CSRP2: variants seen among roughly 807,000 people sequenced by gnomAD.
CSRP2 encodes the protein cysteine and glycine-rich protein 2.
CSRP2 carries 18 observed loss-of-function variants against 24.6 expected under a neutral mutation model. The observed-to-expected ratio is 0.73, with a 90% confidence interval of 0.51 to 1.09. CSRP2 has a LOEUF of 1.09. CSRP2 is among the 50% of genes least tolerant of loss of function. The pLI is 0.00. For synonymous variants in CSRP2, 87 were observed against 84.3 expected (o/e 1.03, Z -0.18); for missense variants, 215 against 239.4 (o/e 0.90, Z 0.67).
rs78660287 is a variant in CSRP2, at chr12:76,870,725, G to A, written c.-1-4464C>T. ...TTTTTTTTTTTAAGATGGTTAGGGA[G>A]CCAGGTGTGGTAGCTCATGCCTGTA... On this transcript the variant is annotated intron_variant, in intron 1 of 5. Coordinates refer to ENST00000311083, the MANE Select transcript of CSRP2 (RefSeq NM_001321.3). Among the ~76,000 whole-genome samples the A allele has an allele frequency of 8.6e-3, 1,298 of 151,570 alleles. 25 individuals carry two copies. The highest frequency in any genetic ancestry group is 0.03 in the African/African-American group (1,258 of 41,298).
intron 1 of CSRP2, among the ~76,000 whole-genome samples, chr12:76,867,989 C>T (rs1376563322): frequency 6.6e-6 from 1 of 152,152 alleles, no homozygotes; most frequent in Non-Finnish European, 1.5e-5. Flanking sequence ...CTTTCCAGCA[C>T]TCAGTATTCT....
Position 76,871,683 on chromosome 12 carries a change from G to GA in CSRP2, c.-1-5423dup, listed in dbSNP as rs547049623. Among the ~76,000 whole-genome samples, 687 of 151,230 alleles carry GA rather than the reference G, an allele frequency of 4.5e-3. 2 individuals carry two copies. The highest frequency in any genetic ancestry group is 8.1e-3 in the Non-Finnish European group (548 of 67,892). On this transcript the variant is annotated intron_variant, in intron 1 of 5. Coordinates refer to ENST00000311083, the MANE Select transcript of CSRP2 (RefSeq NM_001321.3). ...GGAGGCTGAGGCAGGAGAATGGCGTGAACCCAGGAGGTGGAGCTTGCAGTG... is the reference window on the plus strand; with the variant it reads ...GGAGGCTGAGGCAGGAGAATGGCGTGAAACCCAGGAGGTGGAGCTTGCAGTG...
intron 1 of CSRP2, among the ~76,000 whole-genome samples, chr12:76,871,777 A>G (rs1953803001): frequency 6.6e-6 from 1 of 152,028 alleles, no homozygotes; most frequent in Admixed American, 6.5e-5. Flanking sequence ...AAAAAAAAAA[A>G]AAGAAAAGAA....
chr12:76,867,576 T>C (rs928832871), intron 1 of CSRP2, among the ~76,000 whole-genome samples: 2 of 152,210 alleles, frequency 1.3e-5, no homozygotes, highest in Non-Finnish European at 2.9e-5. Context: ...AAAGTTGTTC[T>C]GCTAAGAAGA....
chr12:76,860,308 G>C lies in CSRP2; in HGVS notation c.387C>G (p.Ala129=). ...CCTTTCCAGCTCCAATTATCTTCTC[G>C]GCAGCATATACAGAATCCCCACATC... ...CSRCGDSVYA[A]EKIIGAGKPW... Residue 129 remains alanine, a synonymous_variant, in exon 4 of 6, where the codon GCC becomes GCG. Coordinates refer to ENST00000311083, the MANE Select transcript of CSRP2 (RefSeq NM_001321.3). 6.2e-7 allele frequency: 1 copy of C among 1,613,708 alleles called. No homozygotes were observed. Among genetic ancestry groups the C allele is most frequent in the Non-Finnish European group, 8.5e-7 (1 of 1,179,786 alleles).
intron 2 of CSRP2, 73 bp from the exon 3 acceptor site, chr12:76,863,417 C>G (rs746925184): frequency 1.4e-5 from 21 of 1,466,162 alleles, no homozygotes; most frequent in Non-Finnish European, 1.8e-5. Context: ...GTGGCACAGA[C>G]ACATGGCCTA....
intron 1 of CSRP2, among the ~76,000 whole-genome samples, chr12:76,872,464 A>G (rs1017776746): frequency 1.3e-4 from 20 of 152,392 alleles, no homozygotes; most frequent in Non-Finnish European, 2.5e-4. Flanking sequence ...TCTTAGAGCC[A>G]GGCCAGCAAC....
chr12:76,864,189 A>G (rs2137825928), intron 2 of CSRP2: 1 of 152,310 alleles, frequency 6.6e-6, no homozygotes, highest in South Asian at 2.1e-4. Flanking sequence ...AACTTCAATT[A>G]AGCTTGAGAA....
intron 3 of CSRP2, 166 bp from the exon 4 acceptor site, chr12:76,860,579 T>C (rs1436699587): frequency 2.8e-6 from 2 of 716,366 alleles, no homozygotes; most frequent in Admixed American, 2.9e-5. Flanking sequence ...GTGACTCAGG[T>C]GCCAGCCAGA....
At chr12:76,863,716 G>A (rs1040580604) in intron 2 of CSRP2, 11 of 167,986 alleles carry the variant, frequency 6.5e-5, no homozygotes, top group Non-Finnish European at 1.4e-4. Flanking sequence ...TTTCAAAGGT[G>A]GCTATAAAAA....
intron 2 of CSRP2, chr12:76,863,546 G>T: frequency 4.2e-6 from 2 of 481,296 alleles, no homozygotes; most frequent in Non-Finnish European, 7.3e-6. Context: ...TTCCTCCATG[G>T]ATATGACAGT....
intron 3 of CSRP2, chr12:76,862,687 G>T: frequency 3.3e-6 from 4 of 1,212,416 alleles, no homozygotes; most frequent in Non-Finnish European, 3.2e-6. Context: ...CTCTCTCAAA[G>T]AATCAAAAAT....
chr12:76,860,554 G>C, intron 3 of CSRP2, 141 bp from the exon 4 acceptor site: 1 of 938,002 alleles, frequency 1.1e-6, no homozygotes, highest in Non-Finnish European at 1.5e-6. Context: ...GCACAGGGGA[G>C]GGAATAAAGA....
rs947607767 is a variant in CSRP2 at position 76,879,008 on chromosome 12, G to A, written c.-72C>T. ...CTGGGCTGGAGGGAGGGTCCAGGGA[G>A]TCCGAGATCCCAGGCGAAGCGCGCG... On this transcript the variant is annotated 5_prime_UTR_variant, in exon 1 of 6. Coordinates refer to ENST00000311083, the MANE Select transcript of CSRP2 (RefSeq NM_001321.3). The A allele has an allele frequency of 6.6e-6, 1 of 152,280 alleles. No homozygotes were observed. Among genetic ancestry groups the A allele is most frequent in the Non-Finnish European group, 1.5e-5 (1 of 68,102 alleles). 9.4% of individuals were successfully genotyped at this position (152,280 alleles called of 1,614,324 possible).
chr12:76,874,658 T>C (rs1953836477), intron 1 of CSRP2, among the ~76,000 whole-genome samples: 1 of 152,158 alleles, frequency 6.6e-6, no homozygotes, highest in African/African-American at 2.4e-5. Context: ...TACTTGCTAC[T>C]GGTCTGTGGC....
At chr12:76,876,029 G>C (rs1054056813) in intron 1 of CSRP2, among the ~76,000 whole-genome samples, 2 of 152,190 alleles carry the variant, frequency 1.3e-5, no homozygotes, top group Non-Finnish European at 2.9e-5. Flanking sequence ...TACAGATGTA[G>C]TACCGACCTC....
chr12:76,860,872 G>T (rs1302406830), intron 3 of CSRP2: 1 of 152,252 alleles, frequency 6.6e-6, no homozygotes, highest in Non-Finnish European at 1.5e-5. Flanking sequence ...AGTTAACTTT[G>T]GTCTGTAACT....
At chr12:76,859,458 T>A in intron 5 of CSRP2, 89 bp downstream of exon 5, 2 of 532,838 alleles carry the variant, frequency 3.8e-6, no homozygotes, top group South Asian at 6.4e-5. Context: ...ATACTTTTCT[T>A]TTTTTTTTTT....
chr12:76,862,827 C>A (rs767940975), intron 3 of CSRP2: 264 of 1,509,090 alleles, frequency 1.7e-4, no homozygotes, highest in Non-Finnish European at 2.3e-4. Context: ...ATGAGAAACA[C>A]CTCTCATGAT....
Sources: allele counts gnomAD v4.1 joint callset (sites outside exome capture counted in the v4.1 genomes callset), GRCh38; gene constraint gnomAD v4.1.1; transcripts MANE v1.5; gene names NCBI Gene and HGNC (gene_info 2026-07-23, HGNC 2026-07-21).